Variants in GNA13 observed in about 807,000 individuals in gnomAD.
GNA13 encodes G protein subunit alpha 13.
In GNA13, 4 loss-of-function variants were observed where a neutral mutation model predicts 33.5. That is an observed-to-expected ratio of 0.12 (90% CI 0.06 to 0.27). GNA13 has a LOEUF of 0.27. Among genes scored for constraint, GNA13 ranks in the 10% least tolerant of loss-of-function variants. The pLI is 1.00. For missense variants in GNA13, 319 were observed against 487.2 expected (o/e 0.65, Z 3.25); for synonymous variants, 176 against 183.8 (o/e 0.96, Z 0.34).
chr17:65,015,564 G>A (rs1267831570), intron 3 of GNA13, among the ~76,000 whole-genome samples: 2 of 150,648 alleles, frequency 1.3e-5, no homozygotes, highest in African/African-American at 4.9e-5. Flanking sequence ...TTGGGAGGCT[G>A]AGGCAGGAGA....
At chr17:65,046,022 A>C (rs1907647942) in intron 2 of GNA13, among the ~76,000 whole-genome samples, 1 of 152,132 alleles carries the variant, frequency 6.6e-6, no homozygotes, top group South Asian at 2.1e-4. Flanking sequence ...ATTATTTACT[A>C]GGTCTGTGAA....
In GNA13 at chr17:65,056,299, C is replaced by A. The variant is rs777419290; in HGVS notation, c.283+12G>T. On this transcript the variant is annotated intron_variant, in intron 1 of 3. Transcript: ENST00000439174. The stretch of plus-strand genomic sequence containing the variant: ...TGCCCTTAACCCCCGGCCCCCATTC[C>A]CGGCCCGGCACCTTTGATCACGTTG... 1 of 1,599,216 alleles carries A rather than the reference C, an allele frequency of 6.3e-7. No homozygotes were observed. The highest frequency in any genetic ancestry group is 1.1e-5 in the South Asian group (1 of 90,784).
At chr17:65,033,581 A>G (rs1225251474) in intron 2 of GNA13, among the ~76,000 whole-genome samples, 1 of 152,172 alleles carries the variant, frequency 6.6e-6, no homozygotes, top group Non-Finnish European at 1.5e-5. Context: ...GAGGAGTAAA[A>G]TGTTCAGTTC....
intron 3 of GNA13, among the ~76,000 whole-genome samples, chr17:65,016,817 CA>C (rs1419520363): frequency 6.6e-6 from 1 of 152,238 alleles, no homozygotes; most frequent in Non-Finnish European, 1.5e-5. Flanking sequence ...AGCATATGCA[CA>C]CAGCGTTCAG....
chr17:65,022,113 G>A (rs1285908576), intron 2 of GNA13, among the ~76,000 whole-genome samples: 1 of 152,118 alleles, frequency 6.6e-6, no homozygotes, highest in African/African-American at 2.4e-5. Context: ...ATTTTTAAAT[G>A]GTTGGGGAAA....
At chr17:65,056,249 G>GCCCCCCCCCCCCCCCCCCCCCCCCCCCCC in intron 1 of GNA13, 62 bp downstream of exon 1, 1 of 774,834 alleles carries the variant, frequency 1.3e-6, no homozygotes, top group Non-Finnish European at 2.0e-6. Context: ...GCCCCGCCCC[G>GCCCCCCCCCCCCCCCCCCCCCCCCCCCCC]CACCCGCCGC....
chr17:65,038,402 CA>C (rs78958162), intron 2 of GNA13, among the ~76,000 whole-genome samples: 7,724 of 147,840 alleles, frequency 0.052, 624 homozygotes, highest in African/African-American at 0.18. Context: ...GACACCATCT[CA>C]AAAAAAAAAA....
rs1257052688 is a variant in GNA13 at position 65,023,891 on chromosome 17, G to A, written c.511-5588C>T. On this transcript the variant is annotated intron_variant, in intron 2 of 3. Coordinates refer to ENST00000439174, the MANE Select transcript of GNA13 (RefSeq NM_006572.6). ...CTGCAATGTAATGACATGCTAAGAG[G>A]CAAACACTGAGAAGAATCTAACAGG... Among the ~76,000 whole-genome samples the A allele has an allele frequency of 3.3e-5, 5 of 152,298 alleles. No individual in the cohort carries two copies. The East Asian group carries it at 9.6e-4, about 29-fold the overall frequency.
chr17:65,030,313 T>A (rs1465910876), intron 2 of GNA13, among the ~76,000 whole-genome samples: 2 of 152,224 alleles, frequency 1.3e-5, no homozygotes, highest in African/African-American at 4.8e-5. Flanking sequence ...AGCAGGGCTA[T>A]TAACTACTCC....
At chr17:65,053,348 A>G (rs1907921791) in intron 2 of GNA13, 154 bp downstream of exon 2, 1 of 617,182 alleles carries the variant, frequency 1.6e-6, no homozygotes, top group South Asian at 1.9e-5. Flanking sequence ...ACTAGGACAC[A>G]TTAGGTCTGT....
intron 2 of GNA13, among the ~76,000 whole-genome samples, chr17:65,025,362 A>T (rs1906739291): frequency 6.6e-6 from 1 of 152,138 alleles, no homozygotes; most frequent in Non-Finnish European, 1.5e-5. Flanking sequence ...GACAAGCTTT[A>T]TTTCCTACTG....
At position 65,021,845 on chromosome 17, in the gene GNA13, A is replaced by G. The variant is rs551172111; in HGVS notation, c.511-3542T>C. 5.9e-5 allele frequency among the ~76,000 whole-genome samples: 9 copies of G among 152,382 alleles called. No homozygotes were observed. In the South Asian group the frequency reaches 1.9e-3, roughly 32 times the overall value. On this transcript the variant is annotated intron_variant, in intron 2 of 3. Transcript: ENST00000439174. ...GTATCAAATATAGATTTTCTAATAA[A>G]AAGCAAGGTAAACATATTCTAGAAA...
In GNA13 at chr17:65,034,010, C is replaced by T. The variant is rs761045699; in HGVS notation, c.511-15707G>A. ...CCTGGGCAACAGAGCAGGACTCCGTCTCAAAAAAAAAAAAAAAAAAAAAAA... is the reference window on the plus strand; with the variant it reads ...CCTGGGCAACAGAGCAGGACTCCGTTTCAAAAAAAAAAAAAAAAAAAAAAA... On this transcript the variant is annotated intron_variant, in intron 2 of 3. Coordinates refer to ENST00000439174, the MANE Select transcript of GNA13 (RefSeq NM_006572.6). Among the ~76,000 whole-genome samples, 16 of 3,438 alleles carry T rather than the reference C, an allele frequency of 4.7e-3. No homozygotes were observed. The Non-Finnish European group carries it at 0.16, about 34-fold the overall frequency. 2.3% of individuals were successfully genotyped at this position (3,438 alleles called of 152,430 possible). A position where few individuals can be genotyped will look rare whatever the true frequency, so the allele number is the denominator to read the frequency against.
At chr17:65,018,128 A>AAGAGAG in intron 3 of GNA13, 125 bp downstream of exon 3, 2 of 223,826 alleles carry the variant, frequency 8.9e-6, no homozygotes, top group Non-Finnish European at 1.8e-5. Flanking sequence ...AAAAAAAAAA[A>AAGAGAG]AAAAAAAAAA....
intron 2 of GNA13, among the ~76,000 whole-genome samples, chr17:65,045,758 A>C (rs1257774486): frequency 6.6e-6 from 1 of 152,208 alleles, no homozygotes; most frequent in Non-Finnish European, 1.5e-5. Flanking sequence ...TCAGGATATA[A>C]AAATAACTAC....
chr17:65,020,459 T>C (rs1260140497), intron 2 of GNA13, among the ~76,000 whole-genome samples: 6 of 152,304 alleles, frequency 3.9e-5, no homozygotes, highest in Middle Eastern at 6.8e-3. Flanking sequence ...CCTTTCCTCA[T>C]AGGCCATGTG....
intron 2 of GNA13, among the ~76,000 whole-genome samples, chr17:65,024,108 C>T (rs1036249344): frequency 7.9e-5 from 12 of 152,266 alleles, no homozygotes; most frequent in African/African-American, 1.2e-4. Flanking sequence ...AAAAAATTAG[C>T]TGGGTGTGGT....
At chr17:65,034,974 G>A (rs1907190979) in intron 2 of GNA13, among the ~76,000 whole-genome samples, 1 of 152,062 alleles carries the variant, frequency 6.6e-6, no homozygotes, top group South Asian at 2.1e-4. Context: ...TAGTAGAGAT[G>A]GAGTTTCTCC....
chr17:65,029,605 A>G (rs982986515), intron 2 of GNA13, among the ~76,000 whole-genome samples: 15 of 87,622 alleles, frequency 1.7e-4, no homozygotes, highest in Non-Finnish European at 3.4e-4. Context: ...TCTTCACTCA[A>G]TATCTTTTGC....
Sources: allele counts gnomAD v4.1 joint callset (sites outside exome capture counted in the v4.1 genomes callset), GRCh38; gene constraint gnomAD v4.1.1; transcripts MANE v1.5; gene names NCBI Gene and HGNC (gene_info 2026-07-23, HGNC 2026-07-21).